The following SPATA22 variants were observed in gnomAD, a reference collection of about 807,000 sequenced individuals.
SPATA22 encodes the protein spermatogenesis-associated protein 22.
Under a neutral mutation model 47.8 loss-of-function variants are expected in SPATA22, and 29 were observed. The observed-to-expected ratio is 0.61, with a 90% CI of 0.45 to 0.83. The LOEUF (loss-of-function observed/expected upper bound fraction) is 0.83, where lower values mean the gene tolerates loss of function less well. Among genes scored for constraint, SPATA22 ranks in the 40% least tolerant of loss-of-function variants. SPATA22 has a pLI of 0.00. For synonymous variants in SPATA22, 133 were observed against 140.9 expected, an observed-to-expected ratio of 0.94 and a Z score of 0.40; for missense variants, 410 against 421.7, an observed-to-expected ratio of 0.97 and a Z score of 0.24.
chr17:3,496,804 C>T (rs191586952), intron 1 of SPATA22, among the ~76,000 whole-genome samples: 6 of 152,298 alleles, frequency 3.9e-5, no homozygotes, highest in African/African-American at 1.2e-4. Flanking sequence ...CGGTGGCTCA[C>T]GCCTGTAATC....
At chr17:3,479,185 C>G (rs547622814) in intron 1 of SPATA22, among the ~76,000 whole-genome samples, 2 of 152,258 alleles carry the variant, frequency 1.3e-5, no homozygotes, top group Non-Finnish European at 2.9e-5. Context: ...CTCACTCTTC[C>G]CTATTCTTCA....
chr17:3,503,566 T>A (rs961313952), intron 1 of SPATA22: 1 of 152,162 alleles, frequency 6.6e-6, no homozygotes, highest in African/African-American at 2.4e-5. Context: ...TCCCTCAAAT[T>A]TTAGTTATTT....
At chr17:3,481,803 T>C (rs769726762) in intron 1 of SPATA22, 6 of 1,583,642 alleles carry the variant, frequency 3.8e-6, no homozygotes, top group Non-Finnish European at 5.2e-6. Flanking sequence ...ATTAAGGTAA[T>C]GTTAATGTTA....
At chr17:3,443,894 T>C (rs751325834) in intron 7 of SPATA22, among the ~76,000 whole-genome samples, 19 of 152,020 alleles carry the variant, frequency 1.2e-4, no homozygotes, top group Non-Finnish European at 1.6e-4. Context: ...TAAGAGCACC[T>C]ACAATCTACT....
chr17:3,495,279 T>C (rs532532272), intron 1 of SPATA22, among the ~76,000 whole-genome samples: 2 of 152,314 alleles, frequency 1.3e-5, no homozygotes, highest in African/African-American at 2.4e-5. Context: ...CAACCCCGAC[T>C]AACCTTTACC....
At chr17:3,482,492 G>C (rs2150747532) in intron 1 of SPATA22, among the ~76,000 whole-genome samples, 1 of 152,254 alleles carries the variant, frequency 6.6e-6, no homozygotes. Context: ...TGATTGAGAG[G>C]AAAGAGTGTG....
At chr17:3,481,590 CT>C in intron 1 of SPATA22, 1 of 1,609,624 alleles carries the variant, frequency 6.2e-7, no homozygotes, top group East Asian at 2.2e-5. Flanking sequence ...CTTTTTCTTT[CT>C]GCTTATAACA....
At chr17:3,471,518 G>GCACA (rs149789275) in intron 1 of SPATA22, 164 bp downstream of exon 1, 8 of 946,562 alleles carry the variant, frequency 8.5e-6, no homozygotes, top group Non-Finnish European at 1.0e-5. Context: ...CAATCTGCAC[G>GCACA]CACACACACA....
intron 1 of SPATA22, among the ~76,000 whole-genome samples, chr17:3,479,043 A>G (rs1469490779): frequency 1.3e-5 from 2 of 152,082 alleles, no homozygotes; most frequent in African/African-American, 2.4e-5. Context: ...CCTGTCATCT[A>G]TTTTCCATCT....
At chr17:3,481,148 C>G (rs1011488580) in intron 1 of SPATA22, among the ~76,000 whole-genome samples, 3 of 152,084 alleles carry the variant, frequency 2.0e-5, no homozygotes, top group African/African-American at 4.8e-5. Context: ...AAAATGATCT[C>G]TAATTAGATT....
At chr17:3,465,268 CT>C (rs2073271691) in intron 3 of SPATA22, among the ~76,000 whole-genome samples, 1 of 150,562 alleles carries the variant, frequency 6.6e-6, no homozygotes, top group Non-Finnish European at 1.5e-5. Flanking sequence ...ACCACCCCGT[CT>C]GGGAGGTGTG....
rs2073800916 is a variant in SPATA22 at position 3,490,225 on chromosome 17, A to G, written c.-73-20827T>C. ...GTCTTAATTATATTCAATAAGAATA[A>G]TGTATTTATGTATTATTTCTGTAAT... On this transcript the variant is annotated intron_variant, in intron 1 of 8. Coordinates refer to the SPATA22 transcript ENST00000541913. This position sits in a 1 kb window ranked among gnomAD's most constrained non-coding sequence, Gnocchi z 4.6. 6.6e-6 allele frequency among the ~76,000 whole-genome samples: 1 copy of G among 152,214 alleles called. No individual in the cohort carries two copies.
chr17:3,471,848 C>G, upstream of SPATA22: 1 of 985,518 alleles, frequency 1.0e-6, no homozygotes, highest in Non-Finnish European at 1.2e-6. Flanking sequence ...GTGGACCGCG[C>G]AGGCGCAGTG....
At chr17:3,460,864 T>A (rs145012091) in intron 5 of SPATA22, among the ~76,000 whole-genome samples, 169 of 150,428 alleles carry the variant, frequency 1.1e-3, no homozygotes, top group African/African-American at 3.8e-3. Flanking sequence ...TCAACTGAGA[T>A]GTCTTAACTA....
At chr17:3,471,317 G>A in intron 1 of SPATA22, 2 of 601,188 alleles carry the variant, frequency 3.3e-6, no homozygotes, top group Non-Finnish European at 2.1e-6. Flanking sequence ...AGGGGCTTAC[G>A]AGGGCTATTA....
chr17:3,484,296 C>T (rs964713742), intron 1 of SPATA22, among the ~76,000 whole-genome samples: 2 of 152,236 alleles, frequency 1.3e-5, no homozygotes, highest in East Asian at 3.9e-4. Context: ...GTGCTAGGTG[C>T]GGGGGACAGA....
chr17:3,474,928 C>T (rs970989746), upstream of SPATA22, among the ~76,000 whole-genome samples: 2 of 152,196 alleles, frequency 1.3e-5, no homozygotes, highest in Non-Finnish European at 2.9e-5. Flanking sequence ...CCTGCAGAAC[C>T]TTAACTGAGT....
chr17:3,459,543 T>G (rs1353176201), intron 5 of SPATA22, among the ~76,000 whole-genome samples: 5 of 152,140 alleles, frequency 3.3e-5, no homozygotes, highest in Non-Finnish European at 7.4e-5. Context: ...GTAGCTGGGA[T>G]TACAGGCATG....
chr17:3,494,216 CTGT>C (rs1201188681), intron 1 of SPATA22: 1 of 678,012 alleles, frequency 1.5e-6, no homozygotes, highest in African/African-American at 1.8e-5. Flanking sequence ...GTTGGCCAGG[CTGT>C]TCTCGAACTC....
Sources: gnomAD v4.1 joint callset for allele counts (sites outside exome capture counted in the v4.1 genomes callset) on GRCh38, gnomAD v4.1.1 for gene constraint, Gnocchi (gnomAD v3.1) non-coding constraint, MANE v1.5 for transcripts, NCBI Gene and HGNC (gene_info 2026-07-23, HGNC 2026-07-21) for gene names.